NAV3: variants seen among roughly 807,000 people sequenced by gnomAD.
NAV3 encodes the protein pore membrane and/or filament interacting like protein 1.
Under a neutral mutation model 244.7 loss-of-function variants are expected in NAV3, and 87 were observed. The ratio of observed to expected loss-of-function variants is 0.36; its 90% CI spans 0.30 to 0.42. The LOEUF (loss-of-function observed/expected upper bound fraction) is 0.42, where lower values mean the gene tolerates loss of function less well. NAV3 is among the 20% of genes least tolerant of loss of function. The pLI is 1.00. For missense variants in NAV3, 2,663 were observed against 2,893.3 expected (o/e 0.92, Z 1.83); for synonymous variants, 1,126 against 1,042.2 (o/e 1.08, Z -1.55).
intron 3 of NAV3, among the ~76,000 whole-genome samples, chr12:77,960,610 G>A (rs888981824): frequency 6.8e-6 from 1 of 147,860 alleles, no homozygotes; most frequent in African/African-American, 2.5e-5. Context: ...TGTAATGTAT[G>A]TAATATACTA....
chr12:77,677,328 T>C (rs140629348), intron 2 of NAV3, among the ~76,000 whole-genome samples: 6 of 152,138 alleles, frequency 3.9e-5, no homozygotes, highest in Non-Finnish European at 8.8e-5. Context: ...AAAGATAACT[T>C]AAATAGATGA....
chr12:77,753,564 A>C (rs1868972007), intron 2 of NAV3, among the ~76,000 whole-genome samples: 1 of 152,142 alleles, frequency 6.6e-6, no homozygotes, highest in Non-Finnish European at 1.5e-5. Flanking sequence ...CTGATTTTGC[A>C]GTTTTTACTA....
upstream of NAV3, among the ~76,000 whole-genome samples, chr12:77,829,550 A>G (rs746567909): frequency 3.9e-5 from 6 of 152,206 alleles, no homozygotes; most frequent in Non-Finnish European, 7.3e-5. Flanking sequence ...GTATTACCTT[A>G]TAGTTTCTGA....
intron 3 of NAV3, among the ~76,000 whole-genome samples, chr12:77,941,634 C>T (rs1274749424): frequency 5.3e-5 from 8 of 152,188 alleles, no homozygotes; most frequent in Non-Finnish European, 1.2e-4. Flanking sequence ...GATTCGTAGT[C>T]TCTTCCAGAA....
intron 2 of NAV3, among the ~76,000 whole-genome samples, chr12:77,671,070 G>A (rs556033309): frequency 3.9e-5 from 6 of 152,004 alleles, no homozygotes; most frequent in Middle Eastern, 6.8e-3. Context: ...TCCCAGAACC[G>A]GTAAATGAAT....
chr12:77,733,746 G>C (rs536448655), intron 2 of NAV3, among the ~76,000 whole-genome samples: 1 of 151,676 alleles, frequency 6.6e-6, no homozygotes, highest in Admixed American at 6.6e-5. Context: ...AGGATACTGT[G>C]AGTAGTTTCA....
intron 2 of NAV3, among the ~76,000 whole-genome samples, chr12:77,790,244 TA>T (rs1871124285): frequency 6.6e-6 from 1 of 152,220 alleles, no homozygotes; most frequent in Non-Finnish European, 1.5e-5. Flanking sequence ...CATATTAAAC[TA>T]AACTGGTTTT....
intron 39 of NAV3, among the ~76,000 whole-genome samples, chr12:78,206,854 C>CTTTTTTTTTTTTTTTTTT (rs10594185): frequency 8.7e-6 from 1 of 114,840 alleles, no homozygotes; most frequent in Non-Finnish European, 1.8e-5. Context: ...TTCTTTCTTA[C>CTTTTTTTTTTTTTTTTTT]TTTTTTTTTT....
intron 9 of NAV3, among the ~76,000 whole-genome samples, chr12:78,049,335 G>A (rs1451751324): frequency 1.3e-5 from 2 of 152,132 alleles, no homozygotes; most frequent in Non-Finnish European, 2.9e-5. Flanking sequence ...GGCCCTTGGT[G>A]GTGTGGACAC....
intron 6 of NAV3, 116 bp from the exon 7 acceptor site, chr12:77,998,221 T>A: frequency 1.5e-6 from 1 of 683,516 alleles, no homozygotes; most frequent in East Asian, 3.1e-5. Flanking sequence ...ATCACCATTT[T>A]CTGCTAAATA....
intron 2 of NAV3, among the ~76,000 whole-genome samples, chr12:77,634,266 A>G (rs779650489): frequency 2.0e-5 from 3 of 152,116 alleles, no homozygotes; most frequent in Non-Finnish European, 4.4e-5. Context: ...GTACTTTCAG[A>G]CTGCGTTGTC....
rs2138694940 is a variant in NAV3, at chr12:78,122,218, G to C, written c.4028G>C (p.Gly1343Ala). 6.2e-7 allele frequency: 1 copy of C among 1,614,114 alleles called. No homozygotes were observed. The highest frequency in any genetic ancestry group is 8.5e-7 in the Non-Finnish European group (1 of 1,180,034). The change falls in exon 16 of 40, where the codon GGT (glycine) becomes GCT (alanine). Residue 1343 changes from glycine to alanine, a missense_variant. Transcript: ENST00000397909. ...TCGGTTCACTCTTTCACATCAGGTG[G>C]TCTCGTGTGGGCTGCCAATATGAGC... is the stretch of plus-strand genomic sequence containing the variant. ...PASVHSFTSG[G>A]LVWAANMSSS...
upstream of NAV3, among the ~76,000 whole-genome samples, chr12:77,829,322 C>T (rs929816506): frequency 4.6e-5 from 7 of 152,138 alleles, no homozygotes; most frequent in Non-Finnish European, 5.9e-5. Context: ...GAGTCACTTC[C>T]TTGAGTGGTC....
intron 2 of NAV3, among the ~76,000 whole-genome samples, chr12:77,648,370 T>A (rs1370059237): frequency 1.3e-5 from 2 of 152,032 alleles, no homozygotes; most frequent in Non-Finnish European, 2.9e-5. Context: ...GTTGGAGACT[T>A]TAAGTCATGT....
At chr12:77,886,788 A>C (rs1232403095) in intron 1 of NAV3, among the ~76,000 whole-genome samples, 1 of 152,182 alleles carries the variant, frequency 6.6e-6, no homozygotes, top group Non-Finnish European at 1.5e-5. Flanking sequence ...ATAAATAATC[A>C]TTGAGCTGAA....
At chr12:77,829,186 T>G (rs1363957759), upstream of NAV3, among the ~76,000 whole-genome samples, 1 of 152,264 alleles carries the variant, frequency 6.6e-6, no homozygotes, top group Non-Finnish European at 1.5e-5. Flanking sequence ...GCAGTTGCCC[T>G]GACCCTGTAC....
intron 2 of NAV3, among the ~76,000 whole-genome samples, chr12:77,817,593 G>C (rs1872571494): frequency 6.6e-6 from 1 of 151,744 alleles, no homozygotes; most frequent in South Asian, 2.1e-4. Context: ...GGTTTCTCTA[G>C]CAAAGCATTT....
At chr12:78,082,125 C>G (rs917272663) in intron 12 of NAV3, among the ~76,000 whole-genome samples, 15 of 152,298 alleles carry the variant, frequency 9.8e-5, no homozygotes, top group Admixed American at 3.3e-4. Flanking sequence ...CCTACAAAAG[C>G]CCTCTTGCGT....
chr12:78,117,456 C>T (rs1258366637), intron 13 of NAV3, among the ~76,000 whole-genome samples: 1 of 122,164 alleles, frequency 8.2e-6, no homozygotes, highest in African/African-American at 3.0e-5. Context: ...AACTACACCA[C>T]CAAGCTATAT....
Sources: gnomAD v4.1 joint callset for allele counts (sites outside exome capture counted in the v4.1 genomes callset) on GRCh38, gnomAD v4.1.1 for gene constraint, MANE v1.5 for transcripts, NCBI Gene and HGNC (gene_info 2026-07-23, HGNC 2026-07-21) for gene names.